Variants in MMD2 observed in about 807,000 individuals in gnomAD.
The protein encoded by MMD2 is monocyte to macrophage differentiation associated 2, also known as monocyte to macrophage differentiation factor 2.
Under a neutral mutation model 33.5 loss-of-function variants are expected in MMD2, and 30 were observed. That is an observed-to-expected ratio of 0.90 (90% CI 0.67 to 1.22). The LOEUF is 1.22. Ranked by LOEUF, MMD2 falls within the 50% of genes most tolerant of loss-of-function variation. The pLI is 0.00. For synonymous variants in MMD2, 129 were observed against 123.0 expected, an observed-to-expected ratio of 1.05 and a Z score of -0.32; for missense variants, 364 against 325.4, an observed-to-expected ratio of 1.12 and a Z score of -0.91.
At chr7:4,950,848 G>A (rs1786223424) in intron 1 of MMD2, among the ~76,000 whole-genome samples, 1 of 151,754 alleles carries the variant, frequency 6.6e-6, no homozygotes, top group South Asian at 2.1e-4. Flanking sequence ...TAAGTAGCTG[G>A]GATTACAGGC....
At chr7:4,949,670 C>A (rs1237483901) in intron 1 of MMD2, among the ~76,000 whole-genome samples, 1 of 152,050 alleles carries the variant, frequency 6.6e-6, no homozygotes, top group African/African-American at 2.4e-5. Context: ...CGCCACCACA[C>A]CTGGCTAATT....
At position 4,907,330 on chromosome 7, in the gene MMD2, G is replaced by C. The variant is rs546257823; in HGVS notation, c.*66C>G. ...AAGACAGGCCTTGGCGCTGTGCTCT[G>C]GGTTAACGTTCACAGAAACGTGCTC... On this transcript the variant is annotated 3_prime_UTR_variant, in exon 7 of 7. Transcript: ENST00000401401. 6.6e-7 allele frequency: 1 copy of C among 1,509,558 alleles called. No individual in the cohort carries two copies. The highest frequency in any genetic ancestry group is 2.3e-5 in the East Asian group (1 of 44,326). 93.5% of individuals were successfully genotyped at this position (1,509,558 alleles called of 1,614,324 possible).
chr7:4,925,673 CTCTG>C lies in MMD2; in HGVS notation c.48-145_48-142del, dbSNP rs1270774596. The C allele has an allele frequency of 1.4e-5, 7 of 513,772 alleles. No homozygotes were observed. The Admixed American group carries it at 1.8e-4, about 13-fold the overall frequency. 31.8% of individuals were successfully genotyped at this position (513,772 alleles called of 1,614,324 possible). On this transcript the variant is annotated intron_variant, in intron 1 of 6. Coordinates refer to ENST00000401401, the MANE Select transcript of MMD2 (RefSeq NM_198403.4). ...CTCCCTTTTTCATCTCCCCCTCTCT[CTCTG>C]TCTTCTTCCTCCCCTCCCTCACTCT...
At chr7:4,914,358 A>G (rs1176825721) in intron 4 of MMD2, among the ~76,000 whole-genome samples, 1 of 152,100 alleles carries the variant, frequency 6.6e-6, no homozygotes, top group South Asian at 2.1e-4. Context: ...TTTTTTTCAC[A>G]TTGCAAATAA....
chr7:4,915,279 A>C (rs1364850434), intron 4 of MMD2, among the ~76,000 whole-genome samples: 1 of 151,850 alleles, frequency 6.6e-6, no homozygotes, highest in Non-Finnish European at 1.5e-5. Flanking sequence ...TCTTAAAAAA[A>C]AAATTAAAAA....
Position 4,907,337 on chromosome 7 carries a change from C to A in MMD2, c.*59G>T. On this transcript the variant is annotated 3_prime_UTR_variant, in exon 7 of 7. Coordinates refer to ENST00000401401, the MANE Select transcript of MMD2 (RefSeq NM_198403.4). ...GCCTTGGCGCTGTGCTCTGGGTTAA[C>A]GTTCACAGAAACGTGCTCCACTCCT... The A allele has an allele frequency of 6.5e-7, 1 of 1,547,090 alleles. No homozygotes were observed.
intron 3 of MMD2, among the ~76,000 whole-genome samples, chr7:4,916,728 A>G (rs904632813): frequency 9.9e-5 from 15 of 152,034 alleles, no homozygotes; most frequent in African/African-American, 3.4e-4. Context: ...TCTGCTTTAT[A>G]TACTGGGTTT....
At chr7:4,911,111 T>C in intron 5 of MMD2, 34 bp downstream of exon 5, 2 of 1,523,376 alleles carry the variant, frequency 1.3e-6, no homozygotes, top group South Asian at 1.2e-5. Context: ...TCTAAGGGAA[T>C]CCCGCCTCCC....
At chr7:4,939,201 CA>C (rs935518567) in intron 1 of MMD2, among the ~76,000 whole-genome samples, 1 of 146,028 alleles carries the variant, frequency 6.8e-6, no homozygotes, top group African/African-American at 2.5e-5. Context: ...GACTCCGTCT[CA>C]AAAAAAAACC....
At chr7:4,956,651 C>T (rs763125277) in intron 1 of MMD2, among the ~76,000 whole-genome samples, 4 of 152,164 alleles carry the variant, frequency 2.6e-5, no homozygotes, top group Non-Finnish European at 4.4e-5. Context: ...GAGCAGCCAG[C>T]GCAAGTGTCC....
chr7:4,919,388 G>A (rs1785218051), intron 3 of MMD2, among the ~76,000 whole-genome samples: 1 of 152,028 alleles, frequency 6.6e-6, no homozygotes, highest in African/African-American at 2.4e-5. Flanking sequence ...GGGCAACATG[G>A]TGGAACCCCA....
chr7:4,915,012 C>T (rs1785105560), intron 4 of MMD2, among the ~76,000 whole-genome samples: 1 of 152,186 alleles, frequency 6.6e-6, no homozygotes, highest in African/African-American at 2.4e-5. Context: ...ATGGCTCACG[C>T]CTGTACTCCC....
intron 5 of MMD2, among the ~76,000 whole-genome samples, chr7:4,910,495 G>A (rs1417605178): frequency 1.3e-5 from 2 of 152,088 alleles, no homozygotes; most frequent in African/African-American, 4.8e-5. Context: ...CGAAAGAATG[G>A]GAATACAGAG....
At chr7:4,934,510 A>T (rs1374226729) in intron 1 of MMD2, among the ~76,000 whole-genome samples, 1 of 152,208 alleles carries the variant, frequency 6.6e-6, no homozygotes, top group Non-Finnish European at 1.5e-5. Context: ...CTCTCGAAAG[A>T]GCCGACGTTT....
chr7:4,951,005 G>A (rs1314438980), intron 1 of MMD2, among the ~76,000 whole-genome samples: 2 of 152,108 alleles, frequency 1.3e-5, no homozygotes, highest in Admixed American at 1.3e-4. Context: ...GAGCCACAGC[G>A]CCCGGCCTAA....
chr7:4,925,640 C>G (rs1182012976), intron 1 of MMD2, 108 bp from the exon 2 acceptor site: 2 of 647,714 alleles, frequency 3.1e-6, no homozygotes, highest in Middle Eastern at 2.7e-4. Flanking sequence ...AAGAAGAGCA[C>G]TCCCCTTCTC....
chr7:4,934,397 C>T (rs1785680631), intron 1 of MMD2, among the ~76,000 whole-genome samples: 1 of 152,202 alleles, frequency 6.6e-6, no homozygotes, highest in Non-Finnish European at 1.5e-5. Flanking sequence ...GCCACTGGGC[C>T]TGGCAGGGAT....
At chr7:4,904,770 C>T (rs771283609), downstream of MMD2, among the ~76,000 whole-genome samples, 1 of 152,138 alleles carries the variant, frequency 6.6e-6, no homozygotes, top group African/African-American at 2.4e-5. Flanking sequence ...CCCACAATGC[C>T]GGGGTTATGC....
In MMD2 at chr7:4,943,427, G is replaced by A. The variant is rs187397750; in HGVS notation, c.47+15544C>T. 2.4e-3 allele frequency among the ~76,000 whole-genome samples: 359 copies of A among 152,154 alleles called. 1 individual carries two copies. The highest frequency in any genetic ancestry group is 8.2e-3 in the African/African-American group (341 of 41,518). ...CAAAGTGCTGAGATTACAGGCGTGC[G>A]CCACCGTGCCCAGTCAGTCCTGCCC... On this transcript the variant is annotated intron_variant, in intron 1 of 6. Transcript: ENST00000401401.
Sources: allele counts gnomAD v4.1 joint callset (sites outside exome capture counted in the v4.1 genomes callset), GRCh38; gene constraint gnomAD v4.1.1; transcripts MANE v1.5; gene names NCBI Gene and HGNC (gene_info 2026-07-23, HGNC 2026-07-21).